OPCML: variants seen among roughly 807,000 people sequenced by gnomAD.
The protein encoded by OPCML is opioid binding protein/cell adhesion molecule like, also known as opioid-binding protein/cell adhesion molecule.
Under a neutral mutation model 37.8 loss-of-function variants are expected in OPCML, and 13 were observed. The ratio of observed to expected loss-of-function variants is 0.34; its 90% CI spans 0.22 to 0.55. The LOEUF (loss-of-function observed/expected upper bound fraction) is 0.55. OPCML is among the 20% of genes least tolerant of loss of function. The probability of loss-of-function intolerance (pLI) is 0.91; values close to 1 mark genes in which losing one functional copy is unlikely to be tolerated. For missense variants in OPCML, 341 were observed against 435.6 expected, an observed-to-expected ratio of 0.78 and a Z score of 1.93; for synonymous variants, 176 against 168.8, an observed-to-expected ratio of 1.04 and a Z score of -0.33.
At chr11:132,479,653 T>C (rs1401896584) in intron 4 of OPCML, among the ~76,000 whole-genome samples, 1 of 152,140 alleles carries the variant, frequency 6.6e-6, no homozygotes. Context: ...GAGCAGTGGT[T>C]CTCCCAGTAC....
chr11:132,799,116 G>C (rs1419329357), intron 2 of OPCML, among the ~76,000 whole-genome samples: 2 of 152,184 alleles, frequency 1.3e-5, no homozygotes, highest in African/African-American at 4.8e-5. Flanking sequence ...GAGTCAGCCT[G>C]TTCTTTGAAG....
chr11:132,818,407 C>A (rs1939757339), intron 2 of OPCML, among the ~76,000 whole-genome samples: 1 of 151,796 alleles, frequency 6.6e-6, no homozygotes, highest in Non-Finnish European at 1.5e-5. Context: ...CAGTTGAACC[C>A]CTGAATAAAA....
At chr11:132,905,231 T>TC (rs1944197505) in intron 2 of OPCML, among the ~76,000 whole-genome samples, 2 of 126,136 alleles carry the variant, frequency 1.6e-5, no homozygotes, top group Non-Finnish European at 3.5e-5. Flanking sequence ...AGTTCTTTTT[T>TC]TTTTTTTTTT....
At chr11:132,922,860 C>T (rs965888477) in intron 2 of OPCML, among the ~76,000 whole-genome samples, 3 of 151,990 alleles carry the variant, frequency 2.0e-5, no homozygotes, top group South Asian at 2.1e-4. Context: ...ATCTCTTGAG[C>T]TCAGTTTGAG....
chr11:133,093,833 G>A lies in OPCML; in HGVS notation c.62-150823C>T, dbSNP rs151027096. 1.3e-3 allele frequency among the ~76,000 whole-genome samples: 197 copies of A among 152,108 alleles called. No individual in the cohort carries two copies. The Middle Eastern group carries it at 0.014, about 11-fold the overall frequency. The stretch of plus-strand genomic sequence containing the variant: ...ATGCAGTGGGAAAAGAAGGCAGCAC[G>A]ATGCAAATGTCATCTCTGCATTCAC... On this transcript the variant is annotated intron_variant, in intron 1 of 7. Coordinates refer to ENST00000524381, the MANE Select transcript of OPCML (RefSeq NM_001012393.5).
intron 1 of OPCML, among the ~76,000 whole-genome samples, chr11:133,218,444 T>C (rs904559289): frequency 2.0e-5 from 3 of 152,242 alleles, no homozygotes; most frequent in Non-Finnish European, 2.9e-5. Context: ...AAATGCCCTA[T>C]AGCATCTTGT....
At chr11:132,725,392 G>C (rs375462195) in intron 2 of OPCML, among the ~76,000 whole-genome samples, 3 of 152,116 alleles carry the variant, frequency 2.0e-5, no homozygotes, top group Admixed American at 6.5e-5. Context: ...CACACAGCAG[G>C]GGGGGCCCTG....
At chr11:133,338,974 G>C (rs906725499) in intron 1 of OPCML, among the ~76,000 whole-genome samples, 31 of 152,164 alleles carry the variant, frequency 2.0e-4, no homozygotes, top group Admixed American at 1.0e-3. Context: ...TCCCTGCCCA[G>C]GTGCAAGGAC....
intron 1 of OPCML, among the ~76,000 whole-genome samples, chr11:133,175,791 C>T (rs1175227975): frequency 6.6e-6 from 1 of 152,046 alleles, no homozygotes; most frequent in African/African-American, 2.4e-5. Context: ...TCTCCCTTCG[C>T]AGCTGAGTGC....
chr11:132,779,742 T>C (rs1286029482), intron 2 of OPCML, among the ~76,000 whole-genome samples: 1 of 152,126 alleles, frequency 6.6e-6, no homozygotes, highest in Non-Finnish European at 1.5e-5. Flanking sequence ...GTAATACAAA[T>C]AGGGAGCAGT....
At chr11:132,932,246 C>T (rs1487878295) in intron 2 of OPCML, among the ~76,000 whole-genome samples, 2 of 152,076 alleles carry the variant, frequency 1.3e-5, no homozygotes, top group African/African-American at 2.4e-5. Flanking sequence ...GACAGTTGCA[C>T]AGCAACGTGA....
At chr11:133,082,329 G>A (rs1565437803) in intron 1 of OPCML, among the ~76,000 whole-genome samples, 2 of 150,836 alleles carry the variant, frequency 1.3e-5, no homozygotes, top group Non-Finnish European at 3.0e-5. Flanking sequence ...GCAAAGGGAA[G>A]GCCGGGTCTG....
intron 4 of OPCML, among the ~76,000 whole-genome samples, chr11:132,493,657 T>C (rs977377298): frequency 6.6e-6 from 1 of 152,232 alleles, no homozygotes; most frequent in African/African-American, 2.4e-5. Flanking sequence ...GGAGAAAAGA[T>C]GCACAGAGCA....
chr11:132,695,996 C>T (rs956243643), intron 2 of OPCML, among the ~76,000 whole-genome samples: 3 of 152,126 alleles, frequency 2.0e-5, no homozygotes, highest in Non-Finnish European at 4.4e-5. Context: ...CAACTGCACC[C>T]ACAAGTCAGT....
chr11:132,710,857 A>AAAAG (rs943161704), intron 2 of OPCML, among the ~76,000 whole-genome samples: 1 of 152,084 alleles, frequency 6.6e-6, no homozygotes, highest in Non-Finnish European at 1.5e-5. Context: ...TCCAACTCAA[A>AAAAG]AAAGAAAGAA....
chr11:132,576,978 A>C (rs189150480), intron 3 of OPCML, among the ~76,000 whole-genome samples: 328 of 152,236 alleles, frequency 2.2e-3, no homozygotes, highest in African/African-American at 7.3e-3. Flanking sequence ...GACCCCATTC[A>C]GGAATGCTTG....
At chr11:132,859,985 G>A (rs1942233182) in intron 2 of OPCML, 2 of 151,988 alleles carry the variant, frequency 1.3e-5, no homozygotes, top group African/African-American at 4.8e-5. Flanking sequence ...TCAAATAATT[G>A]CATGCACAAT....
At chr11:133,120,429 A>G (rs1054548531) in intron 1 of OPCML, among the ~76,000 whole-genome samples, 2 of 152,196 alleles carry the variant, frequency 1.3e-5, no homozygotes, top group Non-Finnish European at 2.9e-5. Flanking sequence ...GGAAACATAC[A>G]AGAGCTAAGC....
At chr11:133,277,705 G>A (rs1942032104) in intron 1 of OPCML, among the ~76,000 whole-genome samples, 2 of 152,042 alleles carry the variant, frequency 1.3e-5, no homozygotes, top group East Asian at 1.9e-4. Context: ...ACATATATGT[G>A]TGTGTATATA....
Sources: allele counts gnomAD v4.1 joint callset (sites outside exome capture counted in the v4.1 genomes callset), GRCh38; gene constraint gnomAD v4.1.1; transcripts MANE v1.5; gene names NCBI Gene and HGNC (gene_info 2026-07-23, HGNC 2026-07-21).